GTF2IRD1: variants seen among roughly 807,000 people sequenced by gnomAD.
GTF2IRD1 encodes the protein general transcription factor II-I repeat domain-containing protein 1.
In GTF2IRD1, 26 loss-of-function variants were observed where a neutral mutation model predicts 113.2. The ratio of observed to expected loss-of-function variants is 0.23; its 90% confidence interval spans 0.17 to 0.32. The LOEUF (loss-of-function observed/expected upper bound fraction) is 0.32. Among genes scored for constraint, GTF2IRD1 ranks in the 10% least tolerant of loss-of-function variants. The pLI is 1.00. For missense variants in GTF2IRD1, 864 were observed against 1,280.8 expected, an observed-to-expected ratio of 0.67 and a Z score of 4.97; for synonymous variants, 484 against 529.1, an observed-to-expected ratio of 0.91 and a Z score of 1.17.
chr7:74,584,650 G>A (rs1348228686), intron 22 of GTF2IRD1, among the ~76,000 whole-genome samples: 1 of 152,152 alleles, frequency 6.6e-6, no homozygotes, highest in Non-Finnish European at 1.5e-5. Context: ...GCCAGGGTGA[G>A]GGAGGCCACC....
chr7:74,474,093 A>C, intron 1 of GTF2IRD1, among the ~76,000 whole-genome samples: 1 of 151,952 alleles, frequency 6.6e-6, no homozygotes, highest in East Asian at 1.9e-4. Context: ...AAACAAAAAA[A>C]TTAACTGGGC....
chr7:74,592,507 C>T (rs1475195361), intron 24 of GTF2IRD1, among the ~76,000 whole-genome samples: 1 of 151,956 alleles, frequency 6.6e-6, no homozygotes, highest in Non-Finnish European at 1.5e-5. Context: ...GGGTCAGCCA[C>T]CACACCTGGC....
At position 74,519,540 on chromosome 7, in the gene GTF2IRD1, C is replaced by T; in HGVS notation, c.737C>T (p.Pro246Leu). 1 of 1,612,278 alleles carries T rather than the reference C, an allele frequency of 6.2e-7. No individual in the cohort carries two copies. The highest frequency in any genetic ancestry group is 8.5e-7 in the Non-Finnish European group (1 of 1,179,446). ...AAGGTGCCACCCCAGGACCTGCCCC[C>T]AACCGCCACCTCCTCCTCCATGGCC... is the stretch of plus-strand genomic sequence containing the variant. The part of the protein sequence containing the change: ...APKVPPQDLP[P>L]TATSSSMASF... The change falls in exon 6 of 27, where the codon CCA becomes CTA. Residue 246 changes from proline to leucine, a missense_variant. By Grantham distance (98) the Pro-to-Leu change is moderately conservative. Coordinates refer to ENST00000424337, the MANE Select transcript of GTF2IRD1 (RefSeq NM_005685.4).
intron 1 of GTF2IRD1, among the ~76,000 whole-genome samples, chr7:74,490,796 C>T (rs890846674): frequency 5.9e-5 from 9 of 151,934 alleles, no homozygotes; most frequent in African/African-American, 1.5e-4. Flanking sequence ...CAGAAAAATC[C>T]GGCTCTTTCT....
At chr7:74,478,196 G>A (rs782555597) in intron 1 of GTF2IRD1, among the ~76,000 whole-genome samples, 6 of 152,156 alleles carry the variant, frequency 3.9e-5, no homozygotes, top group Non-Finnish European at 8.8e-5. Flanking sequence ...CTCCCCAACC[G>A]CCCCTTGCGT....
chr7:74,554,965 G>C (rs1389911110), intron 17 of GTF2IRD1, among the ~76,000 whole-genome samples: 1 of 151,734 alleles, frequency 6.6e-6, no homozygotes, highest in Admixed American at 6.6e-5. Flanking sequence ...GTTCAGGACT[G>C]GGGGGGGTCT....
intron 1 of GTF2IRD1, among the ~76,000 whole-genome samples, chr7:74,482,902 T>C (rs1465407253): frequency 1.3e-5 from 2 of 152,192 alleles, no homozygotes; most frequent in Non-Finnish European, 2.9e-5. Context: ...ACATGTACCG[T>C]GGAAACAGAT....
intron 1 of GTF2IRD1, among the ~76,000 whole-genome samples, chr7:74,470,930 A>G (rs1396330904): frequency 2.0e-5 from 3 of 152,148 alleles, no homozygotes; most frequent in Middle Eastern, 3.4e-3. Context: ...CAGCCTCCCA[A>G]GTAGCTGGGA....
intron 22 of GTF2IRD1, among the ~76,000 whole-genome samples, chr7:74,579,589 C>T (rs1389993571): frequency 6.7e-6 from 1 of 150,258 alleles, no homozygotes; most frequent in African/African-American, 2.4e-5. Flanking sequence ...CCGCACTCCA[C>T]CCTGAGCGAC....
chr7:74,518,784 A>G (rs1468409368), intron 5 of GTF2IRD1, among the ~76,000 whole-genome samples: 1 of 152,102 alleles, frequency 6.6e-6, no homozygotes, highest in Non-Finnish European at 1.5e-5. Flanking sequence ...GCTGTTCAGG[A>G]GGCTGAGGCA....
chr7:74,592,088 A>G (rs1802095151), intron 24 of GTF2IRD1, among the ~76,000 whole-genome samples: 1 of 151,752 alleles, frequency 6.6e-6, no homozygotes, highest in Non-Finnish European at 1.5e-5. Flanking sequence ...TTAAATTATT[A>G]TTTTATTAAT....
chr7:74,591,594 G>A (rs1554369672), intron 24 of GTF2IRD1, among the ~76,000 whole-genome samples: 1 of 151,854 alleles, frequency 6.6e-6, no homozygotes, highest in African/African-American at 2.4e-5. Flanking sequence ...TGGCCAGGCT[G>A]GTCTCGAACT....
At chr7:74,491,221 G>A (rs1338950239) in intron 1 of GTF2IRD1, among the ~76,000 whole-genome samples, 3 of 151,358 alleles carry the variant, frequency 2.0e-5, no homozygotes, top group Non-Finnish European at 2.9e-5. Flanking sequence ...CACGAGAATC[G>A]CCTGAACCCT....
chr7:74,471,681 A>AC (rs1554332366), intron 1 of GTF2IRD1, among the ~76,000 whole-genome samples: 2 of 71,354 alleles, frequency 2.8e-5, no homozygotes, highest in Admixed American at 1.8e-4. Flanking sequence ...TTAAAAAAAA[A>AC]AAAAAAAACA....
chr7:74,554,985 C>T (rs1180948088), intron 17 of GTF2IRD1, among the ~76,000 whole-genome samples, 189 bp from the exon 18 acceptor site: 1 of 152,142 alleles, frequency 6.6e-6, no homozygotes, highest in African/African-American at 2.4e-5. Flanking sequence ...TCACTCCCAG[C>T]TGGATCCTTC....
chr7:74,504,962 C>T (rs1455257156), intron 1 of GTF2IRD1, among the ~76,000 whole-genome samples: 1 of 151,966 alleles, frequency 6.6e-6, no homozygotes, highest in Non-Finnish European at 1.5e-5. Flanking sequence ...CCTGCTTCAC[C>T]CTCTCAAAGC....
intron 1 of GTF2IRD1, among the ~76,000 whole-genome samples, chr7:74,475,779 C>G (rs1483439735): frequency 5.3e-5 from 8 of 152,186 alleles, no homozygotes; most frequent in Non-Finnish European, 7.3e-5. Flanking sequence ...ACAAGGGGTG[C>G]CATTCCTCAG....
chr7:74,495,602 C>T (rs1303587307), intron 1 of GTF2IRD1, among the ~76,000 whole-genome samples: 6 of 152,176 alleles, frequency 3.9e-5, no homozygotes, highest in Admixed American at 3.3e-4. Context: ...TCTCCAGGAG[C>T]CAGTGCATGG....
intron 6 of GTF2IRD1, among the ~76,000 whole-genome samples, 163 bp downstream of exon 6, chr7:74,519,882 A>AC (rs1238040781): frequency 6.6e-6 from 1 of 151,440 alleles, no homozygotes; most frequent in Non-Finnish European, 1.5e-5. Flanking sequence ...CCTGGCTGAG[A>AC]CCCCCTTGGA....
Sources: gnomAD v4.1 joint callset for allele counts (sites outside exome capture counted in the v4.1 genomes callset) on GRCh38, gnomAD v4.1.1 for gene constraint, MANE v1.5 for transcripts, NCBI Gene and HGNC (gene_info 2026-07-23, HGNC 2026-07-21) for gene names.